The following USB1 variants were observed in gnomAD, a reference collection of about 807,000 sequenced individuals.
USB1 encodes the protein U6 snRNA phosphodiesterase 1.
A neutral mutation model predicts 29.9 loss-of-function variants in USB1; 21 were observed. The ratio of observed to expected loss-of-function variants is 0.70; its 90% CI spans 0.50 to 1.01. USB1 has a LOEUF of 1.01. Ranked by LOEUF, USB1 falls within the 50% of genes least tolerant of loss-of-function variation. The pLI is 0.00. For missense variants in USB1, 330 were observed against 347.1 expected (o/e 0.95, Z 0.39); for synonymous variants, 143 against 134.9 (o/e 1.06, Z -0.42).
At chr16:58,007,726 G>A (rs929208825) in intron 2 of USB1, among the ~76,000 whole-genome samples, 1 of 151,908 alleles carries the variant, frequency 6.6e-6, no homozygotes, top group African/African-American at 2.4e-5. Flanking sequence ...AGTGGCTTAC[G>A]CCTATCATCC....
At chr16:58,001,638 G>A in intron 1 of USB1, 57 bp downstream of exon 1, 2 of 1,542,024 alleles carry the variant, frequency 1.3e-6, no homozygotes, top group Non-Finnish European at 1.8e-6. Flanking sequence ...GAGCCAGACG[G>A]GACCCGAATG....
intron 1 of USB1, among the ~76,000 whole-genome samples, chr16:58,001,882 C>A (rs1333374194): frequency 1.3e-5 from 2 of 152,148 alleles, no homozygotes; most frequent in East Asian, 1.9e-4. Context: ...AGGTCCGTTT[C>A]CTGATTTGAA....
intron 5 of USB1, 104 bp downstream of exon 5, chr16:58,017,543 CT>C: frequency 9.5e-7 from 1 of 1,052,816 alleles, no homozygotes; most frequent in Non-Finnish European, 1.4e-6. Context: ...CCTTCAGAAC[CT>C]CCCGTGTCGG....
Position 58,002,691 on chromosome 16 carries a change from A to G in USB1, c.265+46A>G, listed in dbSNP as rs1963256736. The stretch of plus-strand genomic sequence containing the variant: ...AAGTTGCCAAGACCCATAGACCCGT[A>G]GGTGCCTCATGAAGGGCAGAATCTG... On this transcript the variant is annotated intron_variant, in intron 2 of 6. Coordinates refer to ENST00000219281, the MANE Select transcript of USB1 (RefSeq NM_024598.4). 2.5e-6 allele frequency: 4 copies of G among 1,612,126 alleles called. No homozygotes were observed. The Admixed American group carries it at 6.7e-5, about 27-fold the overall frequency.
At chr16:58,010,811 T>G in intron 3 of USB1, 1 of 575,896 alleles carries the variant, frequency 1.7e-6, no homozygotes, top group Non-Finnish European at 3.1e-6. Flanking sequence ...GAGTTGGGAG[T>G]GAGCCACCCT....
intron 6 of USB1, among the ~76,000 whole-genome samples, chr16:58,019,874 C>T (rs1261353528): frequency 6.6e-6 from 1 of 152,100 alleles, no homozygotes; most frequent in Non-Finnish European, 1.5e-5. Flanking sequence ...GTTTGGGCTC[C>T]GGCAGACCTG....
At chr16:58,011,109 C>T in intron 3 of USB1, 1 of 1,125,214 alleles carries the variant, frequency 8.9e-7, no homozygotes, top group Non-Finnish European at 1.3e-6. Flanking sequence ...GCGTCAGGAG[C>T]CAGGATCACA....
intron 2 of USB1, among the ~76,000 whole-genome samples, chr16:58,007,618 G>C (rs1002212037): frequency 1.3e-5 from 2 of 152,120 alleles, no homozygotes; most frequent in Non-Finnish European, 2.9e-5. Flanking sequence ...CTGACCTCCG[G>C]TGAACCACCC....
chr16:58,016,642 G>C (rs893581840), intron 4 of USB1: 3 of 157,026 alleles, frequency 1.9e-5, no homozygotes, highest in African/African-American at 7.2e-5. Flanking sequence ...TGATGTCTTG[G>C]GAGCCAAGAG....
At position 58,020,515 on chromosome 16, in the gene USB1, C is replaced by G. The variant is rs1963713765; in HGVS notation, c.*270C>G. 2 of 506,710 alleles carry G rather than the reference C, an allele frequency of 3.9e-6. No individual in the cohort carries two copies. The highest frequency in any genetic ancestry group is 2.0e-5 in the African/African-American group (1 of 50,218). The allele number at this position is 506,710 out of a possible 1,614,324, so 31.4% of individuals were successfully genotyped here. On this transcript the variant is annotated 3_prime_UTR_variant, in exon 7 of 7. Transcript: ENST00000219281. ...TTCCTCTCTTCTCTCTTCCTCTCCT[C>G]TCTCTCTTCCTCTTCTCTCTCTTCC...
At chr16:58,018,940 G>C in intron 5 of USB1, 32 bp from the exon 6 acceptor site, 1 of 1,611,628 alleles carries the variant, frequency 6.2e-7, no homozygotes, top group Non-Finnish European at 8.5e-7. Context: ...AAGGCGTCCG[G>C]GTGACTGCCT....
chr16:58,012,301 C>G, intron 3 of USB1: 1 of 1,535,448 alleles, frequency 6.5e-7, no homozygotes, highest in South Asian at 1.2e-5. Flanking sequence ...TGTATATTAT[C>G]AGGACTCTCT....
chr16:58,019,064 C>A lies in USB1; in HGVS notation c.693+9C>A, dbSNP rs745721174. ...GCCTGCAGGAACTACAGGTGAATTT[C>A]CAGGGCGGGAGCACAGAGGGCGCTG... is the stretch of plus-strand genomic sequence containing the variant. On this transcript the variant is annotated intron_variant, in intron 6 of 6. Transcript: ENST00000219281. 2.5e-6 allele frequency: 4 copies of A among 1,613,860 alleles called. No individual in the cohort carries two copies. The South Asian group carries it at 4.4e-5, about 18-fold the overall frequency.
At chr16:58,012,521 A>G (rs1963519591) in intron 3 of USB1, 1 of 1,271,242 alleles carries the variant, frequency 7.9e-7, no homozygotes, top group African/African-American at 1.5e-5. Flanking sequence ...TTCCTTTGTC[A>G]CAATGACGAA....
In USB1 at chr16:58,019,017, C is replaced by T. The variant is rs554516072; in HGVS notation, c.655C>T (p.Arg219Cys). Residue 219 changes from arginine to cysteine, a missense_variant, in exon 6 of 7, where the codon CGT becomes TGT. Physicochemically the swap from Arg to Cys is radical, Grantham distance 180 (BLOSUM62 -3). Transcript: ENST00000219281. Reference protein sequence around the residue: ...LSLAWCVGDARLQLEGQCLQE... With the variant: ...LSLAWCVGDACLQLEGQCLQE... Reference sequence around the variant, plus strand: ...CCTGGCCTGGTGTGTGGGTGATGCACGTCTCCAGCTGGAGGGGCAGTGCCT... The same window carrying T: ...CCTGGCCTGGTGTGTGGGTGATGCATGTCTCCAGCTGGAGGGGCAGTGCCT... 4.7e-5 allele frequency: 76 copies of T among 1,614,172 alleles called. 1 individual carries two copies. The East Asian group carries it at 1.2e-3, about 25-fold the overall frequency.
rs149041481 is a variant in USB1 at position 58,020,218 on chromosome 16, C to G, written c.771C>G (p.Asn257Lys). 174 of 1,614,186 alleles carry G rather than the reference C, an allele frequency of 1.1e-4. No homozygotes were observed. The highest frequency in any genetic ancestry group is 1.3e-4 in the Non-Finnish European group (159 of 1,180,032). The change falls in exon 7 of 7, where the codon AAC (asparagine) becomes AAG (lysine). Residue 257 changes from asparagine (N) to lysine (K), a missense_variant. Coordinates refer to ENST00000219281, the MANE Select transcript of USB1 (RefSeq NM_024598.4). The stretch of plus-strand genomic sequence containing the variant: ...AGCAAGTCCGCTGCAAGTCTGGGAA[C>G]AAGTTCTTCTCGATGCCTTTGAAGT... ...HTEQVRCKSGNKFFSMPLK is the reference protein window; with the variant it reads ...HTEQVRCKSGKKFFSMPLK
intron 2 of USB1, among the ~76,000 whole-genome samples, chr16:58,008,494 C>T (rs1240299092): frequency 6.7e-6 from 1 of 149,078 alleles, no homozygotes; most frequent in East Asian, 1.9e-4. Context: ...CGATCCGTCA[C>T]CCAGGCTGGA....
intron 2 of USB1, among the ~76,000 whole-genome samples, chr16:58,008,069 G>A (rs1160788538): frequency 6.6e-6 from 1 of 152,152 alleles, no homozygotes; most frequent in Non-Finnish European, 1.5e-5. Flanking sequence ...AGCAGATCGG[G>A]TCTTTCAAGG....
intron 6 of USB1, among the ~76,000 whole-genome samples, chr16:58,019,808 G>A (rs748656774): frequency 2.6e-5 from 4 of 152,186 alleles, no homozygotes; most frequent in Non-Finnish European, 4.4e-5. Flanking sequence ...GTGGTCCCTC[G>A]TTAAGGAGCC....
Sources: allele counts gnomAD v4.1 joint callset (sites outside exome capture counted in the v4.1 genomes callset), GRCh38; gene constraint gnomAD v4.1.1; transcripts MANE v1.5; gene names NCBI Gene and HGNC (gene_info 2026-07-23, HGNC 2026-07-21).